The following DNM1L variants were observed in gnomAD, a reference collection of about 807,000 sequenced individuals.
DNM1L encodes dynamin-1-like protein.
In DNM1L, 33 loss-of-function variants were observed where a neutral mutation model predicts 92.8. The ratio of observed to expected loss-of-function variants is 0.36; its 90% CI spans 0.27 to 0.48. DNM1L has a LOEUF of 0.48. DNM1L is among the 20% of genes least tolerant of loss of function. The pLI is 0.99. For missense variants in DNM1L, 485 were observed against 888.8 expected, an observed-to-expected ratio of 0.55 and a Z score of 5.78; for synonymous variants, 284 against 305.0, an observed-to-expected ratio of 0.93 and a Z score of 0.72.
intron 13 of DNM1L, among the ~76,000 whole-genome samples, chr12:32,734,555 C>G (rs1954750353): frequency 6.6e-6 from 1 of 152,084 alleles, no homozygotes; most frequent in African/African-American, 2.4e-5. Context: ...GCCTGTAATC[C>G]CAGCAATTTG....
Position 32,682,359 on chromosome 12 carries a change from C to T in DNM1L, c.102+2894C>T, listed in dbSNP as rs372498341. 2.6e-4 allele frequency among the ~76,000 whole-genome samples: 39 copies of T among 152,180 alleles called. No individual in the cohort carries two copies. The East Asian group carries it at 4.1e-3, about 16-fold the overall frequency. ...GTTGGTCAGGCTGGTATCCAACTCC[C>T]GACCTCAGGTGATCCACCCGTCTCG... On this transcript the variant is annotated intron_variant, in intron 1 of 19. Transcript: ENST00000549701.
At chr12:32,707,494 A>G in intron 3 of DNM1L, 81 bp downstream of exon 3, 1 of 994,162 alleles carries the variant, frequency 1.0e-6, no homozygotes, top group Non-Finnish European at 1.5e-6. Context: ...GTTTCTAATC[A>G]TTGGCAATTA....
rs1457674507 is a variant in DNM1L, at chr12:32,745,496, C to CG, written c.*2087dup. The CG allele has an allele frequency of 6.5e-6, 1 of 152,794 alleles. No individual in the cohort carries two copies. The highest frequency in any genetic ancestry group is 1.5e-5 in the Non-Finnish European group (1 of 68,650). 9.5% of individuals were successfully genotyped at this position (152,794 alleles called of 1,614,324 possible). A position where few individuals can be genotyped will look rare whatever the true frequency, so the allele number is the denominator to read the frequency against. On this transcript the variant is annotated 3_prime_UTR_variant, in exon 20 of 20. Transcript: ENST00000549701. ...TCTGAAATGTAGAGATGATCTCTGACGATACCTGTATGTTCTTATTGTGTA... is the reference window on the plus strand; with the variant it reads ...TCTGAAATGTAGAGATGATCTCTGACGGATACCTGTATGTTCTTATTGTGTA...
intron 9 of DNM1L, among the ~76,000 whole-genome samples, chr12:32,724,593 A>ATAT (rs1491525657): frequency 3.2e-3 from 213 of 66,552 alleles, no homozygotes; most frequent in Middle Eastern, 8.6e-3. Flanking sequence ...AAAAAAAAAA[A>ATAT]ATATATATAT....
At chr12:32,711,661 A>C (rs898679962) in intron 5 of DNM1L, among the ~76,000 whole-genome samples, 1 of 152,016 alleles carries the variant, frequency 6.6e-6, no homozygotes, top group Non-Finnish European at 1.5e-5. Context: ...TGGGAGATCA[A>C]GGTGGGAGGA....
At chr12:32,735,745 G>A (rs1014234459) in intron 13 of DNM1L, among the ~76,000 whole-genome samples, 4 of 151,874 alleles carry the variant, frequency 2.6e-5, no homozygotes, top group African/African-American at 9.7e-5. Context: ...CGGGGGTGGT[G>A]GATGCCTGTA....
intron 6 of DNM1L, among the ~76,000 whole-genome samples, chr12:32,715,312 ATTAT>A (rs1484616205): frequency 6.6e-6 from 1 of 152,096 alleles, no homozygotes; most frequent in Non-Finnish European, 1.5e-5. Flanking sequence ...CCAGCCCAGT[ATTAT>A]TTATAGTATA....
chr12:32,726,070 A>G (rs1029429572), intron 9 of DNM1L, among the ~76,000 whole-genome samples: 8 of 152,154 alleles, frequency 5.3e-5, no homozygotes, highest in East Asian at 1.9e-4. Flanking sequence ...ACGAAAAAAA[A>G]AAGTGTTTCC....
chr12:32,717,315 T>C (rs1953458424), intron 6 of DNM1L, among the ~76,000 whole-genome samples: 1 of 88,684 alleles, frequency 1.1e-5, no homozygotes, highest in Non-Finnish European at 2.0e-5. Flanking sequence ...CTATATATTA[T>C]ATATACACTA....
At chr12:32,720,970 A>G (rs953997525) in intron 8 of DNM1L, among the ~76,000 whole-genome samples, 175 bp downstream of exon 8, 1 of 152,198 alleles carries the variant, frequency 6.6e-6, no homozygotes, top group Non-Finnish European at 1.5e-5. Flanking sequence ...GGTGGTTGAC[A>G]TTACATCATC....
intron 1 of DNM1L, among the ~76,000 whole-genome samples, chr12:32,693,100 A>G (rs1031309119): frequency 6.6e-6 from 1 of 152,184 alleles, no homozygotes; most frequent in Non-Finnish European, 1.5e-5. Flanking sequence ...TTTATTGGAT[A>G]TTGCTATTGC....
At chr12:32,702,233 CAAA>C (rs1179046487) in intron 2 of DNM1L, among the ~76,000 whole-genome samples, 17,401 of 80,732 alleles carry the variant, frequency 0.22, 788 homozygotes, top group African/African-American at 0.25. Context: ...GACTCCGTCT[CAAA>C]AAAAAAAAAA....
At position 32,731,521 on chromosome 12, in the gene DNM1L, A is replaced by C. The variant is rs1592663348; in HGVS notation, c.1356+10A>C. 6.2e-7 allele frequency: 1 copy of C among 1,613,966 alleles called. No homozygotes were observed. The highest frequency in any genetic ancestry group is 2.2e-5 in the East Asian group (1 of 44,880). On this transcript the variant is annotated intron_variant, in intron 11 of 19. Transcript: ENST00000549701. The surrounding 1 kb of genome is among the most constrained non-coding windows in gnomAD (Gnocchi z 5.1). ...CAATTACAGTACACAGGTAACGGAGAGAAATGTAACAGGTTTCACATGAAC... is the reference window on the plus strand; with the variant it reads ...CAATTACAGTACACAGGTAACGGAGCGAAATGTAACAGGTTTCACATGAAC...
Position 32,737,892 on chromosome 12 carries a change from C to G in DNM1L, c.1624C>G (p.Pro542Ala). Reference protein sequence around the residue: ...KSSKVPSALAPASQEPSPAAS... With the variant: ...KSSKVPSALAAASQEPSPAAS... Reference sequence around the variant, plus strand: ...TTCTAAAGTTCCAAGTGCTTTGGCACCTGCCTCCCAGGAGCCCTCCCCCGC... The same window carrying G: ...TTCTAAAGTTCCAAGTGCTTTGGCAGCTGCCTCCCAGGAGCCCTCCCCCGC... Residue 542 changes from proline (P) to alanine (A), a missense_variant, in exon 15 of 20, where the codon CCT becomes GCT. Pro to Ala is a conservative substitution (Grantham distance 27). Transcript: ENST00000549701. The G allele has an allele frequency of 6.2e-7, 1 of 1,614,046 alleles. No homozygotes were observed. The highest frequency in any genetic ancestry group is 2.2e-5 in the East Asian group (1 of 44,860).
At chr12:32,688,366 T>G (rs1198239554) in intron 1 of DNM1L, among the ~76,000 whole-genome samples, 1 of 152,164 alleles carries the variant, frequency 6.6e-6, no homozygotes, top group African/African-American at 2.4e-5. Context: ...ATGGGGAGGT[T>G]TTTTCTTTTA....
chr12:32,741,980 C>G (rs895930946), intron 18 of DNM1L, among the ~76,000 whole-genome samples: 3 of 152,068 alleles, frequency 2.0e-5, no homozygotes, highest in African/African-American at 7.2e-5. Context: ...TGTAGATATA[C>G]TGTGTTTAAG....
chr12:32,726,047 C>G (rs1238766409), intron 9 of DNM1L, among the ~76,000 whole-genome samples: 3 of 150,792 alleles, frequency 2.0e-5, no homozygotes, highest in East Asian at 3.9e-4. Flanking sequence ...TTTGGTTCTT[C>G]AAGGAAAAAA....
rs147409369 is a variant in DNM1L, at chr12:32,733,139, G to T, written c.1447-576G>T. 2.1e-3 allele frequency among the ~76,000 whole-genome samples: 318 copies of T among 152,290 alleles called. 1 individual carries two copies. The highest frequency in any genetic ancestry group is 0.02 in the Middle Eastern group (6 of 294). Reference sequence around the variant, plus strand: ...AACAAAAAGACTTAGCAATTCTGTAGAGGGCTGGATAAATTAATTTTAACT... The same window carrying T: ...AACAAAAAGACTTAGCAATTCTGTATAGGGCTGGATAAATTAATTTTAACT... On this transcript the variant is annotated intron_variant, in intron 12 of 19. Transcript: ENST00000549701.
chr12:32,716,170 T>C (rs1365305544), intron 6 of DNM1L, among the ~76,000 whole-genome samples: 1 of 151,752 alleles, frequency 6.6e-6, no homozygotes, highest in Non-Finnish European at 1.5e-5. Context: ...TGATTTCGTT[T>C]ATATAACACT....
Sources: gnomAD v4.1 joint callset for allele counts (sites outside exome capture counted in the v4.1 genomes callset) on GRCh38, gnomAD v4.1.1 for gene constraint, Gnocchi (gnomAD v3.1) non-coding constraint, MANE v1.5 for transcripts, NCBI Gene and HGNC (gene_info 2026-07-23, HGNC 2026-07-21) for gene names.